The following PRKCH variants were observed in gnomAD, a reference collection of about 807,000 sequenced individuals.
PRKCH encodes protein kinase C eta type.
A neutral mutation model predicts 82.5 loss-of-function variants in PRKCH; 28 were observed. That is an observed-to-expected ratio of 0.34 (90% confidence interval 0.25 to 0.47). The LOEUF is 0.47. Among genes scored for constraint, PRKCH ranks in the 20% least tolerant of loss-of-function variants. The pLI is 1.00. For missense variants in PRKCH, 705 were observed against 881.8 expected (o/e 0.80, Z 2.54); for synonymous variants, 322 against 327.4 (o/e 0.98, Z 0.18).
At chr14:61,434,062 T>C (rs1387797123) in intron 2 of PRKCH, among the ~76,000 whole-genome samples, 1 of 152,202 alleles carries the variant, frequency 6.6e-6, no homozygotes, top group Non-Finnish European at 1.5e-5. Flanking sequence ...GTTGTTCCCT[T>C]ACATTGCATT....
At position 61,216,256 on chromosome 14, in the gene PRKCH, G is replaced by A. The variant is rs142022598; in HGVS notation, c.-19+28588G>A. 3.2e-3 allele frequency among the ~76,000 whole-genome samples: 488 copies of A among 152,084 alleles called. 4 individuals are homozygous for A. Among genetic ancestry groups the A allele is most frequent in the African/African-American group, 0.011 (467 of 41,512 alleles). On this transcript the variant is annotated intron_variant, in intron 1 of 3. Coordinates refer to the PRKCH transcript ENST00000555185. ...CGAGGAGGGCGGATCACCTAAGGTC[G>A]GGAGTTCAAGACCAGCCTTGCCAAC...
chr14:61,506,372 G>A (rs1887149528), intron 10 of PRKCH, among the ~76,000 whole-genome samples: 2 of 152,102 alleles, frequency 1.3e-5, no homozygotes, highest in South Asian at 4.1e-4. Context: ...CACATCAGTG[G>A]GGTTGTGAGT....
At chr14:61,194,048 T>C (rs1313078681) in intron 1 of PRKCH, among the ~76,000 whole-genome samples, 1 of 152,234 alleles carries the variant, frequency 6.6e-6, no homozygotes, top group Non-Finnish European at 1.5e-5. Flanking sequence ...TTTATCCCTC[T>C]TTCTCTCCTT....
At chr14:61,275,094 T>C (rs2045190289) in intron 1 of PRKCH, among the ~76,000 whole-genome samples, 1 of 152,240 alleles carries the variant, frequency 6.6e-6, no homozygotes, top group Admixed American at 6.5e-5. Context: ...TTAACAAAAA[T>C]TGGAAATGTC....
intron 1 of PRKCH, among the ~76,000 whole-genome samples, chr14:61,381,046 AGTC>A (rs2046501950): frequency 6.6e-6 from 1 of 152,192 alleles, no homozygotes; most frequent in Non-Finnish European, 1.5e-5. Flanking sequence ...TTTCTTTAGT[AGTC>A]TTCAGATGTC....
chr14:61,520,899 T>C (rs2042896369), intron 10 of PRKCH, among the ~76,000 whole-genome samples: 1 of 152,228 alleles, frequency 6.6e-6, no homozygotes, highest in Non-Finnish European at 1.5e-5. Flanking sequence ...AAATGTATCC[T>C]AAATAAACAC....
chr14:61,218,537 A>T (rs937141522), intron 1 of PRKCH, among the ~76,000 whole-genome samples: 1 of 152,206 alleles, frequency 6.6e-6, no homozygotes, highest in Admixed American at 6.5e-5. Context: ...GGCCAGGTTC[A>T]CCAAAATAAA....
chr14:61,516,747 T>C (rs2042834355), intron 10 of PRKCH, among the ~76,000 whole-genome samples: 1 of 152,150 alleles, frequency 6.6e-6, no homozygotes, highest in African/African-American at 2.4e-5. Flanking sequence ...CCCTGAACTT[T>C]ACTGTGTGTG....
At chr14:61,545,196 T>A (rs2043239332) in intron 12 of PRKCH, 1 of 152,222 alleles carries the variant, frequency 6.6e-6, no homozygotes, top group Non-Finnish European at 1.5e-5. Flanking sequence ...GGCTGTGTCC[T>A]CAGGCGCATT....
At position 61,321,972 on chromosome 14, in the gene PRKCH, C is replaced by A; in HGVS notation, c.-130C>A. ...AGGCAGAATGGCCAGTCGAGGGGCG[C>A]TTAGGCGCTGCCTTTCCCCAGGGCT... is the stretch of plus-strand genomic sequence containing the variant. On this transcript the variant is annotated 5_prime_UTR_variant, in exon 1 of 14. Coordinates refer to ENST00000332981, the MANE Select transcript of PRKCH (RefSeq NM_006255.5). This position sits in a 1 kb window ranked among gnomAD's most constrained non-coding sequence, Gnocchi z 4.1. 9.9e-7 allele frequency: 1 copy of A among 1,014,498 alleles called. No individual in the cohort carries two copies. The highest frequency in any genetic ancestry group is 1.4e-6 in the Non-Finnish European group (1 of 715,536). The allele number at this position is 1,014,498 out of a possible 1,614,324, so 62.8% of individuals were successfully genotyped here.
intron 1 of PRKCH, among the ~76,000 whole-genome samples, chr14:61,287,594 C>A (rs974876279): frequency 4.6e-5 from 7 of 152,090 alleles, no homozygotes; most frequent in African/African-American, 1.7e-4. Flanking sequence ...CCTGTAATCT[C>A]AGCCTCTTGG....
chr14:61,429,719 A>G (rs1037656385), intron 2 of PRKCH, among the ~76,000 whole-genome samples: 1 of 152,236 alleles, frequency 6.6e-6, no homozygotes, highest in African/African-American at 2.4e-5. Context: ...CATATGTACT[A>G]GGAATTGTAA....
At position 61,421,276 on chromosome 14, in the gene PRKCH, G is replaced by A. The variant is rs149850901; in HGVS notation, c.428-21835G>A. Among the ~76,000 whole-genome samples, 52 of 152,066 alleles carry A rather than the reference G, an allele frequency of 3.4e-4. No homozygotes were observed. The East Asian group carries it at 9.3e-3, about 27-fold the overall frequency. On this transcript the variant is annotated intron_variant, in intron 2 of 13. Transcript: ENST00000332981. ...TATACAATCAGTTTCAGGCAATATT[G>A]ATAGGGATGTGAAAACTAAACACTA...
intron 1 of PRKCH, among the ~76,000 whole-genome samples, chr14:61,204,157 G>T (rs1038295522): frequency 6.6e-6 from 1 of 151,928 alleles, no homozygotes. Context: ...AATACTGCAG[G>T]CTGGGATTCT....
intron 1 of PRKCH, among the ~76,000 whole-genome samples, chr14:61,342,874 C>G (rs2045945587): frequency 5.3e-5 from 8 of 152,204 alleles, no homozygotes; most frequent in Admixed American, 5.2e-4. Flanking sequence ...TAGTGTTTCT[C>G]TCTACCGGCT....
chr14:61,524,103 T>G (rs1174801725), intron 10 of PRKCH, among the ~76,000 whole-genome samples: 1 of 152,254 alleles, frequency 6.6e-6, no homozygotes, highest in East Asian at 1.9e-4. Context: ...GAGCCAGCTC[T>G]CAACTCGCTT....
intron 2 of PRKCH, among the ~76,000 whole-genome samples, chr14:61,404,955 A>AAC (rs35511666): frequency 0.71 from 108,135 of 151,872 alleles, 38,669 homozygotes; most frequent in East Asian, 0.8. Flanking sequence ...CCTCTTCAAG[A>AAC]ATACCCTTGT....
At chr14:61,495,092 A>G (rs1394447961) in intron 10 of PRKCH, among the ~76,000 whole-genome samples, 3 of 152,214 alleles carry the variant, frequency 2.0e-5, no homozygotes, top group Admixed American at 6.5e-5. Context: ...ATTAAAGCAG[A>G]TGTTTGATGG....
At chr14:61,485,818 A>G (rs1289296037) in intron 10 of PRKCH, among the ~76,000 whole-genome samples, 162 bp downstream of exon 10, 1 of 152,124 alleles carries the variant, frequency 6.6e-6, no homozygotes, top group Non-Finnish European at 1.5e-5. Context: ...GTCTCACTCC[A>G]TAGCCCGGGC....
Sources: allele counts gnomAD v4.1 joint callset (sites outside exome capture counted in the v4.1 genomes callset), GRCh38; gene constraint gnomAD v4.1.1; non-coding constraint Gnocchi (gnomAD v3.1); transcripts MANE v1.5; gene names NCBI Gene and HGNC (gene_info 2026-07-23, HGNC 2026-07-21).